CTNNAL1: variants seen among roughly 807,000 people sequenced by gnomAD.
CTNNAL1 encodes the protein alpha-catulin.
In CTNNAL1, 69 loss-of-function variants were observed where a neutral mutation model predicts 93.6. That is an observed-to-expected ratio of 0.74 (90% CI 0.61 to 0.90). The LOEUF is 0.90. Among genes scored for constraint, CTNNAL1 ranks in the 40% least tolerant of loss-of-function variants. The pLI, the probability that CTNNAL1 is intolerant of heterozygous loss-of-function variation, is 0.00. For synonymous variants in CTNNAL1, 286 were observed against 305.4 expected, an observed-to-expected ratio of 0.94 and a Z score of 0.66; for missense variants, 836 against 862.0, an observed-to-expected ratio of 0.97 and a Z score of 0.38.
At position 108,942,971 on chromosome 9, in the gene CTNNAL1, A is replaced by C. The variant is rs1830287430; in HGVS notation, c.2129T>G (p.Leu710Arg). The C allele has an allele frequency of 6.2e-7, 1 of 1,612,290 alleles. No individual in the cohort carries two copies. Among genetic ancestry groups the C allele is most frequent in the African/African-American group, 1.3e-5 (1 of 74,828 alleles). Residue 710 changes from leucine to arginine, a missense_variant, in exon 18 of 19, where the codon CTG becomes CGG. Leu to Arg is a moderately radical substitution (Grantham distance 102). Coordinates refer to ENST00000325551, the MANE Select transcript of CTNNAL1 (RefSeq NM_003798.4). ...LVQLLSLCYK[L>R]LKKLQMENNG... is the part of the protein sequence containing the mutation. ...GAAAAACTACCTCACCTTCTTCAGC[A>C]GTTTATAACAAAGTGAAAGAAGTTG...
intron 3 of CTNNAL1, among the ~76,000 whole-genome samples, chr9:108,992,221 C>A (rs959090018): frequency 6.6e-6 from 1 of 152,152 alleles, no homozygotes; most frequent in Non-Finnish European, 1.5e-5. Context: ...GATAATGATT[C>A]TCTAAGAGGA....
At chr9:108,970,215 G>C (rs1378339490) in intron 10 of CTNNAL1, among the ~76,000 whole-genome samples, 187 bp downstream of exon 10, 1 of 152,232 alleles carries the variant, frequency 6.6e-6, no homozygotes, top group African/African-American at 2.4e-5. Flanking sequence ...CAATTTGGCA[G>C]ATGACCAGCT....
chr9:108,971,257 G>A (rs922418490), intron 9 of CTNNAL1, among the ~76,000 whole-genome samples: 1 of 152,148 alleles, frequency 6.6e-6, no homozygotes, highest in Non-Finnish European at 1.5e-5. Context: ...CTAACCATTA[G>A]TCTTTGAGAT....
chr9:109,007,971 T>C (rs183278540), intron 1 of CTNNAL1, among the ~76,000 whole-genome samples: 4 of 152,206 alleles, frequency 2.6e-5, no homozygotes, highest in Admixed American at 2.0e-4. Context: ...CAACATTATG[T>C]TTTTGAGATT....
In CTNNAL1 at chr9:108,947,441, T is replaced by C. The variant is rs569909948; in HGVS notation, c.1884+745A>G. Among the ~76,000 whole-genome samples, 3 of 152,286 alleles carry C rather than the reference T, an allele frequency of 2.0e-5. No homozygotes were observed. The South Asian group carries it at 6.2e-4, about 32-fold the overall frequency. On this transcript the variant is annotated intron_variant, in intron 15 of 18. Coordinates refer to ENST00000325551, the MANE Select transcript of CTNNAL1 (RefSeq NM_003798.4). Reference sequence around the variant, plus strand: ...AGTGATAGAAATTTCAAATCTCAGATGTACATGGGAATGCCAAAGGAGACT... The same window carrying C: ...AGTGATAGAAATTTCAAATCTCAGACGTACATGGGAATGCCAAAGGAGACT...
chr9:108,956,384 G>A lies in CTNNAL1; in HGVS notation c.1592-557C>T, dbSNP rs187122952. On this transcript the variant is annotated intron_variant, in intron 11 of 18. Transcript: ENST00000325551. The stretch of plus-strand genomic sequence containing the variant: ...AGCATGATAACGAGGAAAGGAAGGA[G>A]ACGGGCAATGCCCACATCATCCCTG... Among the ~76,000 whole-genome samples, 261 of 152,320 alleles carry A rather than the reference G, an allele frequency of 1.7e-3. 1 individual carries two copies. The highest frequency in any genetic ancestry group is 5.7e-3 in the African/African-American group (238 of 41,572).
intron 8 of CTNNAL1, 138 bp downstream of exon 8, chr9:108,976,824 T>C (rs773510062): frequency 4.0e-4 from 169 of 417,798 alleles, no homozygotes; most frequent in South Asian, 1.4e-3. Context: ...TGAGCCACCA[T>C]GCCTGGCCTC....
intron 4 of CTNNAL1, among the ~76,000 whole-genome samples, chr9:108,988,521 A>C (rs1831683607): frequency 6.6e-6 from 1 of 152,180 alleles, no homozygotes; most frequent in African/African-American, 2.4e-5. Context: ...AGCTAGAGTG[A>C]TACTGTTAAA....
At chr9:108,982,511 G>C (rs1587971020) in intron 6 of CTNNAL1, among the ~76,000 whole-genome samples, 1 of 152,152 alleles carries the variant, frequency 6.6e-6, no homozygotes, top group Non-Finnish European at 1.5e-5. Flanking sequence ...GGATGGTACT[G>C]CTCAAAAAGA....
At position 108,957,452 on chromosome 9, in the gene CTNNAL1, T is replaced by C. The variant is rs149008030; in HGVS notation, c.1592-1625A>G. Among the ~76,000 whole-genome samples, 60 of 152,260 alleles carry C rather than the reference T, an allele frequency of 3.9e-4. 1 individual carries two copies. The highest frequency in any genetic ancestry group is 1.4e-3 in the African/African-American group (57 of 41,544). ...TTTCAAATTATATATGTGTGTCACG[T>C]TCTGTTTCTCTTGGACAGTGCTGAT... On this transcript the variant is annotated intron_variant, in intron 11 of 18. Transcript: ENST00000325551.
At chr9:108,944,286 A>G (rs909103427) in intron 15 of CTNNAL1, among the ~76,000 whole-genome samples, 4 of 152,154 alleles carry the variant, frequency 2.6e-5, no homozygotes, top group Admixed American at 2.6e-4. Context: ...GGTCACACAG[A>G]CCTGTGATAT....
chr9:108,972,864 G>GGCC, intron 8 of CTNNAL1, 31 bp from the exon 9 acceptor site: 2 of 142,574 alleles, frequency 1.4e-5, no homozygotes, highest in South Asian at 1.2e-4. Flanking sequence ...GGGGGGGTGG[G>GGCC]AGGGTGGAGA....
intron 10 of CTNNAL1, among the ~76,000 whole-genome samples, chr9:108,969,098 T>C (rs1344289019): frequency 6.6e-6 from 1 of 151,874 alleles, no homozygotes; most frequent in Non-Finnish European, 1.5e-5. Flanking sequence ...GGTGAAACCC[T>C]GTCTCTACTA....
At chr9:108,992,858 AC>A (rs1308046210) in intron 2 of CTNNAL1, 39 bp from the exon 3 acceptor site, 2 of 1,564,368 alleles carry the variant, frequency 1.3e-6, no homozygotes, top group Non-Finnish European at 8.6e-7. Flanking sequence ...AAACAGGCAT[AC>A]AAATTAAAAT....
rs3816237 is a variant in CTNNAL1, at chr9:108,956,068, T to A, written c.1592-241A>T. On this transcript the variant is annotated intron_variant, in intron 11 of 18. Transcript: ENST00000325551. ...GGTCAATCTCCACCTCTCCCAACAT[T>A]AAGGGAGAAAGGCAAATGTCCCACT... Among the ~76,000 whole-genome samples the A allele has an allele frequency of 0.36, 54,207 of 152,030 alleles. 9,967 individuals carry two copies. The highest frequency in any genetic ancestry group is 0.45 in the Admixed American group (6,895 of 15,284).
rs2132179182 is a variant in CTNNAL1, at chr9:108,992,888, T to C, written c.332-69A>G. 2.0e-6 allele frequency: 3 copies of C among 1,480,814 alleles called. No homozygotes were observed. In the South Asian group the frequency reaches 4.2e-5, roughly 21 times the overall value. 91.7% of individuals were successfully genotyped at this position (1,480,814 alleles called of 1,614,324 possible). ...TTAAAATCTAGACTTCTCTCTAACC[T>C]TGAAGGTAAGGCACAATGAGGAGAA... is the stretch of plus-strand genomic sequence containing the variant. On this transcript the variant is annotated intron_variant, in intron 2 of 18. Coordinates refer to ENST00000325551, the MANE Select transcript of CTNNAL1 (RefSeq NM_003798.4).
At chr9:108,943,178 G>T in intron 17 of CTNNAL1, 134 bp from the exon 18 acceptor site, 1 of 812,344 alleles carries the variant, frequency 1.2e-6, no homozygotes, top group Non-Finnish European at 1.9e-6. Flanking sequence ...ATGGATTTAG[G>T]CACATGAGCT....
chr9:108,969,327 A>G (rs527658193), intron 10 of CTNNAL1, among the ~76,000 whole-genome samples: 1 of 152,274 alleles, frequency 6.6e-6, no homozygotes, highest in Non-Finnish European at 1.5e-5. Flanking sequence ...TTAATTTGAC[A>G]GGAACAGTAT....
chr9:109,008,612 A>G (rs1827109074), intron 1 of CTNNAL1, among the ~76,000 whole-genome samples: 1 of 152,168 alleles, frequency 6.6e-6, no homozygotes, highest in South Asian at 2.1e-4. Context: ...CACGTTCCTC[A>G]CCAACACTTA....
Sources: gnomAD v4.1 joint callset for allele counts (sites outside exome capture counted in the v4.1 genomes callset) on GRCh38, gnomAD v4.1.1 for gene constraint, MANE v1.5 for transcripts, NCBI Gene and HGNC (gene_info 2026-07-23, HGNC 2026-07-21) for gene names.